The following CERKL variants were observed in gnomAD, a reference collection of about 807,000 sequenced individuals.
The protein encoded by CERKL is CERK like autophagy regulator.
In CERKL, 61 loss-of-function variants were observed where a neutral mutation model predicts 63.4. That is an observed-to-expected ratio of 0.96 (90% confidence interval 0.78 to 1.19). CERKL has a LOEUF of 1.19. CERKL is among the 50% of genes most tolerant of loss of function. The pLI, the probability that CERKL is intolerant of heterozygous loss-of-function variation, is 0.00. For synonymous variants in CERKL, 250 were observed against 230.5 expected (o/e 1.08, Z -0.77); for missense variants, 675 against 655.5 (o/e 1.03, Z -0.33).
intron 2 of CERKL, among the ~76,000 whole-genome samples, chr2:181,583,637 A>G (rs1382203531): frequency 6.6e-6 from 1 of 152,224 alleles, no homozygotes; most frequent in Non-Finnish European, 1.5e-5. Flanking sequence ...AGCTCACTGG[A>G]AAGAGCAACT....
chr2:181,561,354 G>A (rs998156781), intron 4 of CERKL, among the ~76,000 whole-genome samples: 11 of 151,394 alleles, frequency 7.3e-5, no homozygotes, highest in Middle Eastern at 6.8e-3. Context: ...AGGTTGCACT[G>A]AGCTGAGATT....
intron 3 of CERKL, among the ~76,000 whole-genome samples, chr2:181,568,670 C>CTTT (rs55645686): frequency 6.2e-5 from 9 of 144,076 alleles, no homozygotes; most frequent in African/African-American, 1.6e-4. Context: ...GGAGTATTTT[C>CTTT]TTTTTTTTTT....
At chr2:181,622,402 A>C (rs534204331) in intron 1 of CERKL, among the ~76,000 whole-genome samples, 44 of 152,302 alleles carry the variant, frequency 2.9e-4, no homozygotes, top group African/African-American at 1.0e-3. Context: ...AAGCCATTGC[A>C]ATCAGATATA....
chr2:181,634,185 G>A (rs1160048506), intron 1 of CERKL, among the ~76,000 whole-genome samples: 3 of 152,026 alleles, frequency 2.0e-5, no homozygotes, highest in Non-Finnish European at 4.4e-5. Context: ...AAACGAGAAA[G>A]GAATACAACT....
intron 1 of CERKL, among the ~76,000 whole-genome samples, chr2:181,631,034 T>C (rs189366043): frequency 1.5e-3 from 232 of 152,250 alleles, no homozygotes; most frequent in African/African-American, 5.1e-3. Flanking sequence ...TGGGAGGCCA[T>C]TGAATTATTT....
At chr2:181,599,385 A>T (rs1254039884) in intron 2 of CERKL, among the ~76,000 whole-genome samples, 2 of 151,868 alleles carry the variant, frequency 1.3e-5, no homozygotes, top group African/African-American at 2.4e-5. Flanking sequence ...AAAAATACAA[A>T]AATTAGTCGG....
chr2:181,644,938 A>C (rs1375639059), intron 1 of CERKL, among the ~76,000 whole-genome samples: 1 of 152,230 alleles, frequency 6.6e-6, no homozygotes, highest in Non-Finnish European at 1.5e-5. Context: ...TGAGGAAACT[A>C]CTGAGAAATG....
chr2:181,536,801 A>G lies in CERKL; in HGVS notation c.*1383T>C. 1 of 292,792 alleles carries G rather than the reference A, an allele frequency of 3.4e-6. No individual in the cohort carries two copies. Among genetic ancestry groups the G allele is most frequent in the Non-Finnish European group, 6.8e-6 (1 of 147,652 alleles). 18.1% of individuals were successfully genotyped at this position (292,792 alleles called of 1,614,324 possible). ...TTGTAATATTTATTTTATGCTTATG[A>G]TCTAGATAATTGCAGAATATCATTT... On this transcript the variant is annotated 3_prime_UTR_variant, in exon 13 of 13. Transcript: ENST00000410087.
chr2:181,547,881 C>G, intron 8 of CERKL, 34 bp from the exon 9 acceptor site: 1 of 1,524,954 alleles, frequency 6.6e-7, no homozygotes, highest in Non-Finnish European at 8.9e-7. Flanking sequence ...AGACATAAAA[C>G]AGATAACGCG....
chr2:181,621,665 G>C (rs1376150981), intron 1 of CERKL, among the ~76,000 whole-genome samples: 1 of 152,088 alleles, frequency 6.6e-6, no homozygotes, highest in East Asian at 1.9e-4. Context: ...AAAACTAAAG[G>C]TGAAGTTGAG....
At chr2:181,645,799 C>A (rs1687645948) in intron 1 of CERKL, among the ~76,000 whole-genome samples, 1 of 152,200 alleles carries the variant, frequency 6.6e-6, no homozygotes, top group Admixed American at 6.5e-5. Flanking sequence ...TTTAAAAATT[C>A]TTCTCAAGTT....
At chr2:181,569,725 G>A (rs1018510603) in intron 3 of CERKL, among the ~76,000 whole-genome samples, 10 of 152,140 alleles carry the variant, frequency 6.6e-5, no homozygotes, top group East Asian at 5.8e-4. Flanking sequence ...AACTGAAGGC[G>A]ATGGAAGTAC....
intron 2 of CERKL, among the ~76,000 whole-genome samples, chr2:181,578,980 T>G (rs1684383301): frequency 6.6e-6 from 1 of 152,000 alleles, no homozygotes; most frequent in Non-Finnish European, 1.5e-5. Flanking sequence ...CATATAGTGT[T>G]AAATCACTCA....
intron 2 of CERKL, among the ~76,000 whole-genome samples, chr2:181,575,244 T>C (rs144393991): frequency 2.5e-4 from 38 of 152,350 alleles, no homozygotes; most frequent in African/African-American, 8.4e-4. Context: ...AAGGCGGCTA[T>C]GGCTCATTGC....
intron 1 of CERKL, among the ~76,000 whole-genome samples, chr2:181,629,760 T>C (rs1398588648): frequency 6.6e-6 from 1 of 152,106 alleles, no homozygotes; most frequent in African/African-American, 2.4e-5. Flanking sequence ...CTCCTGTCCA[T>C]ATAACTATTA....
intron 2 of CERKL, among the ~76,000 whole-genome samples, chr2:181,597,057 G>A (rs1685245238): frequency 6.6e-6 from 1 of 151,932 alleles, no homozygotes; most frequent in South Asian, 2.1e-4. Context: ...TGGAGGTCTT[G>A]GCAGTCTAAT....
intron 2 of CERKL, among the ~76,000 whole-genome samples, chr2:181,601,060 C>T (rs563404489): frequency 3.3e-5 from 5 of 151,962 alleles, no homozygotes; most frequent in Admixed American, 6.6e-5. Flanking sequence ...ATTCTCAAAA[C>T]GACACAAATA....
intron 1 of CERKL, among the ~76,000 whole-genome samples, chr2:181,608,178 T>A (rs1685798919): frequency 6.6e-6 from 1 of 152,116 alleles, no homozygotes; most frequent in South Asian, 2.1e-4. Context: ...CTCACTTTTT[T>A]TTTTTTAAGA....
Position 181,566,086 on chromosome 2 carries a change from T to G in CERKL, c.649A>C (p.Lys217Gln), listed in dbSNP as rs754353693. Residue 217 changes from lysine to glutamine, a missense_variant, in exon 4 of 13, where the codon AAG (lysine) becomes CAG (glutamine). Lys to Gln is a moderately conservative substitution (Grantham distance 53). Coordinates refer to ENST00000410087, the MANE Select transcript of CERKL (RefSeq NM_201548.5). ...EYEGHALSLL[K>Q]ECELQGFDGV... is the part of the protein sequence containing the mutation. ...TCAAATCCCTGGAGTTCACATTCCT[T>G]AAGCAGTGACAGAGCGTGCCCTTCA... 11 of 1,610,448 alleles carry G rather than the reference T, an allele frequency of 6.8e-6. No individual in the cohort carries two copies. The East Asian group carries it at 2.2e-4, about 33-fold the overall frequency.
Sources: allele counts gnomAD v4.1 joint callset (sites outside exome capture counted in the v4.1 genomes callset), GRCh38; gene constraint gnomAD v4.1.1; transcripts MANE v1.5; gene names NCBI Gene and HGNC (gene_info 2026-07-23, HGNC 2026-07-21).